The following ZNF536 variants were observed in gnomAD, a reference collection of about 807,000 sequenced individuals.
ZNF536 encodes zinc finger protein 536.
A neutral mutation model predicts 84.5 loss-of-function variants in ZNF536; 13 were observed. The ratio of observed to expected loss-of-function variants is 0.15; its 90% CI spans 0.10 to 0.24. The LOEUF (loss-of-function observed/expected upper bound fraction) is 0.24. ZNF536 is among the 10% of genes least tolerant of loss of function. The pLI, the probability that ZNF536 is intolerant of heterozygous loss-of-function variation, is 1.00. For synonymous variants in ZNF536, 811 were observed against 742.5 expected, an observed-to-expected ratio of 1.09 and a Z score of -1.50; for missense variants, 1,536 against 1,747.5, an observed-to-expected ratio of 0.88 and a Z score of 2.16.
intron 1 of ZNF536, among the ~76,000 whole-genome samples, chr19:30,707,635 T>C (rs925947692): frequency 2.6e-5 from 4 of 152,164 alleles, no homozygotes; most frequent in Admixed American, 1.3e-4. Context: ...ATTGTCTTCT[T>C]GAAGTGGGAA....
chr19:30,575,879 G>C (rs563965678), intron 1 of ZNF536, among the ~76,000 whole-genome samples: 1 of 152,328 alleles, frequency 6.6e-6, no homozygotes, highest in South Asian at 2.1e-4. Flanking sequence ...ACTTTGGAGA[G>C]AGAATATGTA....
At chr19:30,574,023 T>G (rs560792145) in intron 1 of ZNF536, among the ~76,000 whole-genome samples, 20 of 152,324 alleles carry the variant, frequency 1.3e-4, no homozygotes, top group African/African-American at 4.8e-4. Flanking sequence ...TCTGGATGAT[T>G]CTTTTTAGTA....
chr19:30,483,761 C>G (rs1330207321), intron 2 of ZNF536, among the ~76,000 whole-genome samples: 1 of 152,088 alleles, frequency 6.6e-6, no homozygotes, highest in Non-Finnish European at 1.5e-5. Context: ...TGTCACTTCT[C>G]AGTTTAAAGC....
In ZNF536 at chr19:30,549,179, C is replaced by A. The variant is rs755234087; in HGVS notation, c.3560C>A (p.Pro1187Gln). The change falls in exon 4 of 5, where the codon CCG becomes CAG. Residue 1187 changes from proline (P) to glutamine (Q), a missense_variant. Transcript: ENST00000355537. ...GATGAAGAGGATGTTGAAACCGAAC[C>A]GGAAATGATGACCAAGCCACTGTCT... ...NNDEEDVETE[P>Q]EMMTKPLSAL... 6.2e-7 allele frequency: 1 copy of A among 1,613,934 alleles called. No homozygotes were observed.
At chr19:30,298,584 G>T (rs899964699) in intron 2 of ZNF536, among the ~76,000 whole-genome samples, 4 of 152,200 alleles carry the variant, frequency 2.6e-5, no homozygotes, top group Non-Finnish European at 5.9e-5. Flanking sequence ...TCACACCAAA[G>T]AAACTTTTTT....
intron 3 of ZNF536, among the ~76,000 whole-genome samples, chr19:30,359,255 G>C (rs538417526): frequency 8.5e-5 from 13 of 152,342 alleles, no homozygotes; most frequent in Admixed American, 7.2e-4. Flanking sequence ...TGATTCCTGA[G>C]CACAGGGGCA....
At chr19:30,469,677 T>G (rs1390270042) in intron 2 of ZNF536, among the ~76,000 whole-genome samples, 1 of 152,164 alleles carries the variant, frequency 6.6e-6, no homozygotes, top group Non-Finnish European at 1.5e-5. Context: ...CACCTGGGTA[T>G]TCCACACCTG....
chr19:30,429,472 A>G (rs1475409897), intron 1 of ZNF536, among the ~76,000 whole-genome samples: 1 of 152,144 alleles, frequency 6.6e-6, no homozygotes, highest in Non-Finnish European at 1.5e-5. Context: ...GAACAACTCT[A>G]GGGAAGGGAG....
chr19:30,236,752 TG>T (rs1385457822), intron 1 of ZNF536, among the ~76,000 whole-genome samples: 13 of 152,206 alleles, frequency 8.5e-5, no homozygotes, highest in African/African-American at 3.1e-4. Flanking sequence ...TCTGGTCATC[TG>T]GTTGGCATTC....
chr19:30,421,906 T>C (rs2050976005), intron 1 of ZNF536, among the ~76,000 whole-genome samples: 1 of 152,260 alleles, frequency 6.6e-6, no homozygotes, highest in Non-Finnish European at 1.5e-5. Flanking sequence ...TTTTTATTTA[T>C]TTTTATAATT....
chr19:30,476,831 C>T (rs889802428), intron 2 of ZNF536, among the ~76,000 whole-genome samples: 2 of 152,174 alleles, frequency 1.3e-5, no homozygotes, highest in Admixed American at 6.5e-5. Flanking sequence ...ACTGGGCCTG[C>T]CTGCCTCTTG....
At chr19:30,273,427 G>A (rs898094157) in intron 1 of ZNF536, among the ~76,000 whole-genome samples, 3 of 152,188 alleles carry the variant, frequency 2.0e-5, no homozygotes, top group African/African-American at 7.2e-5. Context: ...AATTTTAGCT[G>A]TTGTGATAGG....
chr19:30,305,207 C>G (rs2046308131), intron 2 of ZNF536, among the ~76,000 whole-genome samples: 1 of 152,148 alleles, frequency 6.6e-6, no homozygotes, highest in South Asian at 2.1e-4. Flanking sequence ...GTTGAGGAAG[C>G]TCATATAGAG....
intron 1 of ZNF536, among the ~76,000 whole-genome samples, chr19:30,680,349 C>A (rs1283245187): frequency 1.3e-5 from 2 of 149,282 alleles, no homozygotes; most frequent in African/African-American, 2.5e-5. Context: ...TGTGCTGCAC[C>A]CATTAACTCG....
intron 2 of ZNF536, among the ~76,000 whole-genome samples, chr19:30,505,689 A>G (rs540687060): frequency 2.6e-5 from 4 of 152,244 alleles, no homozygotes; most frequent in African/African-American, 9.6e-5. Context: ...TTTTTGACAT[A>G]GAGTCTTACT....
chr19:30,498,701 A>G (rs2054823361), intron 2 of ZNF536, among the ~76,000 whole-genome samples: 1 of 152,226 alleles, frequency 6.6e-6, no homozygotes, highest in African/African-American at 2.4e-5. Context: ...TAAGAGGCGG[A>G]GTGGCTGTCA....
intron 2 of ZNF536, among the ~76,000 whole-genome samples, chr19:30,480,652 A>G (rs2054041389): frequency 6.6e-6 from 1 of 152,218 alleles, no homozygotes; most frequent in Non-Finnish European, 1.5e-5. Flanking sequence ...CCACCATGGC[A>G]CATGTATACC....
At chr19:30,389,805 C>A (rs892113470) in intron 1 of ZNF536, among the ~76,000 whole-genome samples, 1 of 152,202 alleles carries the variant, frequency 6.6e-6, no homozygotes, top group Non-Finnish European at 1.5e-5. Context: ...CTGCTGTGGG[C>A]CCCTCCAGCT....
chr19:30,383,341 A>T (rs932905904), intron 1 of ZNF536, among the ~76,000 whole-genome samples: 7 of 152,218 alleles, frequency 4.6e-5, no homozygotes, highest in Non-Finnish European at 1.0e-4. Flanking sequence ...CAGGTTTTCA[A>T]GACTATGCCT....
Sources: allele counts gnomAD v4.1 joint callset (sites outside exome capture counted in the v4.1 genomes callset), GRCh38; gene constraint gnomAD v4.1.1; transcripts MANE v1.5; gene names NCBI Gene and HGNC (gene_info 2026-07-23, HGNC 2026-07-21).